ZMAT4: variants seen among roughly 807,000 people sequenced by gnomAD.
ZMAT4 encodes zinc finger matrin-type 4.
A neutral mutation model predicts 28.7 loss-of-function variants in ZMAT4; 17 were observed. That is an observed-to-expected ratio of 0.59 (90% CI 0.41 to 0.89). The LOEUF is 0.89. Among genes scored for constraint, ZMAT4 ranks in the 40% least tolerant of loss-of-function variants. ZMAT4 has a pLI of 0.00. For missense variants in ZMAT4, 240 were observed against 283.8 expected, an observed-to-expected ratio of 0.85 and a Z score of 1.11; for synonymous variants, 117 against 109.2, an observed-to-expected ratio of 1.07 and a Z score of -0.44.
chr8:40,763,874 T>G (rs1451596012), intron 3 of ZMAT4, among the ~76,000 whole-genome samples: 2 of 152,156 alleles, frequency 1.3e-5, no homozygotes, highest in Non-Finnish European at 2.9e-5. Flanking sequence ...CAAGCTTCTC[T>G]ATGTTTAGAG....
At chr8:40,736,933 T>C (rs62642737) in intron 3 of ZMAT4, among the ~76,000 whole-genome samples, 99,669 of 152,074 alleles carry the variant, frequency 0.66, 33,193 homozygotes, top group East Asian at 0.9. Context: ...TTGACCAAGA[T>C]TGGAAATACA....
chr8:40,731,642 C>T (rs1811547515), intron 3 of ZMAT4, among the ~76,000 whole-genome samples: 3 of 152,116 alleles, frequency 2.0e-5, no homozygotes, highest in Admixed American at 1.3e-4. Context: ...CACCTGATGG[C>T]AAATCTATGA....
chr8:40,723,884 G>C (rs972079931), intron 3 of ZMAT4, among the ~76,000 whole-genome samples: 85 of 152,218 alleles, frequency 5.6e-4, no homozygotes, highest in African/African-American at 1.9e-3. Flanking sequence ...CCAGCAGAGA[G>C]CTGCCACTTC....
intron 3 of ZMAT4, among the ~76,000 whole-genome samples, chr8:40,756,453 T>TATATATATATATATATATATATAC (rs1812693845): frequency 1.5e-5 from 2 of 131,630 alleles, no homozygotes; most frequent in Non-Finnish European, 1.6e-5. Flanking sequence ...TATATATATA[T>TATATATATATATATATATATATAC]ATATACACAC....
At chr8:40,799,904 G>C (rs1469357341) in intron 2 of ZMAT4, among the ~76,000 whole-genome samples, 1 of 152,108 alleles carries the variant, frequency 6.6e-6, no homozygotes, top group Non-Finnish European at 1.5e-5. Context: ...ATGAACTGTA[G>C]TCCAGGCAAT....
At chr8:40,795,518 G>T (rs1212323619) in intron 2 of ZMAT4, among the ~76,000 whole-genome samples, 1 of 152,170 alleles carries the variant, frequency 6.6e-6, no homozygotes, top group Non-Finnish European at 1.5e-5. Context: ...CCTAGGCTGA[G>T]AGGAGAATTT....
At chr8:40,741,441 T>G (rs535267884) in intron 3 of ZMAT4, among the ~76,000 whole-genome samples, 1 of 136,780 alleles carries the variant, frequency 7.3e-6, no homozygotes, top group African/African-American at 2.7e-5. Context: ...AGCGGAAGTC[T>G]GTCTCAAAAA....
intron 5 of ZMAT4, among the ~76,000 whole-genome samples, chr8:40,652,596 T>G (rs367775062): frequency 6.5e-4 from 76 of 116,246 alleles, no homozygotes; most frequent in African/African-American, 2.3e-3. Flanking sequence ...TATACCCAAA[T>G]GACTATAAAT....
At chr8:40,862,619 C>T (rs1420360401) in intron 1 of ZMAT4, among the ~76,000 whole-genome samples, 2 of 128,286 alleles carry the variant, frequency 1.6e-5, no homozygotes, top group Non-Finnish European at 3.3e-5. Context: ...GGCACATATA[C>T]ACCATGGAAT....
chr8:40,572,810 G>A (rs1379220585), intron 6 of ZMAT4, among the ~76,000 whole-genome samples: 2 of 152,066 alleles, frequency 1.3e-5, no homozygotes, highest in Non-Finnish European at 2.9e-5. Flanking sequence ...CCATTATGCT[G>A]TTTACAGCTT....
At chr8:40,894,758 G>A (rs1434943523) in intron 1 of ZMAT4, among the ~76,000 whole-genome samples, 7 of 151,218 alleles carry the variant, frequency 4.6e-5, no homozygotes, top group Non-Finnish European at 1.0e-4. Flanking sequence ...GGACAGGAAG[G>A]GAATTCACAC....
intron 2 of ZMAT4, among the ~76,000 whole-genome samples, chr8:40,789,378 G>A (rs980564337): frequency 3.9e-5 from 6 of 152,180 alleles, no homozygotes; most frequent in Non-Finnish European, 5.9e-5. Flanking sequence ...GTACTGGGAA[G>A]TTCTAGCCAG....
chr8:40,756,024 C>T (rs1164990007), intron 3 of ZMAT4, among the ~76,000 whole-genome samples: 1 of 152,070 alleles, frequency 6.6e-6, no homozygotes, highest in Admixed American at 6.5e-5. Flanking sequence ...TTGCAAATTA[C>T]CCTGAAGAGA....
rs376819250 is a variant in ZMAT4, at chr8:40,893,855, C to T, written c.-5+3828G>A. 1.8e-4 allele frequency among the ~76,000 whole-genome samples: 27 copies of T among 152,216 alleles called. No homozygotes were observed. In the East Asian group the frequency reaches 3.3e-3, roughly 19 times the overall value. ...ACCCTCAGGTAGGCCCCTATTGTTC[C>T]CCTCTTCATGTCCATGTGTACTCAA... is the stretch of plus-strand genomic sequence containing the variant. On this transcript the variant is annotated intron_variant, in intron 1 of 6. Transcript: ENST00000297737.
rs140225386 is a variant in ZMAT4, at chr8:40,830,283, T to C, written c.-4-4603A>G. Among the ~76,000 whole-genome samples, 252 of 152,304 alleles carry C rather than the reference T, an allele frequency of 1.7e-3. 1 individual carries two copies. The highest frequency in any genetic ancestry group is 5.9e-3 in the African/African-American group (247 of 41,564). ...GGACAGTACAGCTATCCTTCAAATA[T>C]TAAACATTATACCCACTAGGTAATG... On this transcript the variant is annotated intron_variant, in intron 1 of 6. Coordinates refer to ENST00000297737, the MANE Select transcript of ZMAT4 (RefSeq NM_024645.3).
In ZMAT4 at chr8:40,730,088, GA is replaced by G. The variant is rs566532571; in HGVS notation, c.193-32688del. Among the ~76,000 whole-genome samples, 133 of 152,208 alleles carry G rather than the reference GA, an allele frequency of 8.7e-4. 3 individuals are homozygous for G. The highest frequency in any genetic ancestry group is 5.0e-3 in the South Asian group (24 of 4,820). ...TTTAATCTAAACTAAAAAGAAAACA[GA>G]TAATCCATAATAATAGAAATGTAAA... On this transcript the variant is annotated intron_variant, in intron 3 of 6. Transcript: ENST00000297737.
chr8:40,640,978 A>G (rs1807001258), intron 5 of ZMAT4, among the ~76,000 whole-genome samples: 1 of 151,876 alleles, frequency 6.6e-6, no homozygotes, highest in Non-Finnish European at 1.5e-5. Flanking sequence ...AAAGAAAGAA[A>G]AAAGAAAAAA....
chr8:40,829,249 AGCACATTGCAAAG>A (rs1037347271), intron 1 of ZMAT4, among the ~76,000 whole-genome samples: 7 of 152,248 alleles, frequency 4.6e-5, no homozygotes, highest in South Asian at 2.1e-4. Context: ...TCCCAGGCCC[AGCACATTGCAAAG>A]GCACATTGCA....
At chr8:40,618,500 A>T (rs1806091257) in intron 5 of ZMAT4, among the ~76,000 whole-genome samples, 1 of 152,202 alleles carries the variant, frequency 6.6e-6, no homozygotes, top group Non-Finnish European at 1.5e-5. Context: ...TTTTAAGAGG[A>T]CGCAGTTTGT....
Sources: allele counts gnomAD v4.1 joint callset (sites outside exome capture counted in the v4.1 genomes callset), GRCh38; gene constraint gnomAD v4.1.1; transcripts MANE v1.5; gene names NCBI Gene and HGNC (gene_info 2026-07-23, HGNC 2026-07-21).